The following UGT1A5 variants were observed in gnomAD, a reference collection of about 807,000 sequenced individuals.
UGT1A5 encodes UDP glucuronosyltransferase family 1 member A5.
In UGT1A5, 29 loss-of-function variants were observed where a neutral mutation model predicts 40.3. That is an observed-to-expected ratio of 0.72 (90% CI 0.54 to 0.98). The LOEUF (loss-of-function observed/expected upper bound fraction) is 0.98. Ranked by LOEUF, UGT1A5 falls within the 50% of genes least tolerant of loss-of-function variation. The pLI, the probability that UGT1A5 is intolerant of heterozygous loss-of-function variation, is 0.00. For missense variants in UGT1A5, 678 were observed against 677.9 expected (o/e 1.00, Z 0.00); for synonymous variants, 257 against 262.5 (o/e 0.98, Z 0.20).
chr2:233,748,192 G>A, intron 1 of UGT1A5: 1 of 1,554,576 alleles, frequency 6.4e-7, no homozygotes, highest in South Asian at 1.2e-5. Flanking sequence ...TTTTATTTCT[G>A]CTTGTCGTAA....
intron 1 of UGT1A5, 84 bp downstream of exon 1, chr2:233,713,942 C>T (rs2076357751): frequency 6.2e-7 from 1 of 1,610,038 alleles, no homozygotes; most frequent in Non-Finnish European, 8.5e-7. Context: ...GCTTCCATAT[C>T]TACTTATCTT....
At chr2:233,754,325 C>T (rs537557157) in intron 1 of UGT1A5, 54 of 246,030 alleles carry the variant, frequency 2.2e-4, no homozygotes, top group African/African-American at 1.1e-3. Flanking sequence ...CTGCCTCAGG[C>T]TTAAGTTTAA....
At chr2:233,768,015 A>T in intron 3 of UGT1A5, 79 bp downstream of exon 3, 4 of 1,613,904 alleles carry the variant, frequency 2.5e-6, no homozygotes, top group Non-Finnish European at 3.4e-6. Context: ...ATTCTAAAGG[A>T]TTGTTGAGCT....
At chr2:233,766,995 T>C in intron 1 of UGT1A5, 39 bp from the exon 2 acceptor site, 2 of 1,613,538 alleles carry the variant, frequency 1.2e-6, no homozygotes, top group Admixed American at 1.7e-5. Context: ...TCAAAGAATA[T>C]GAGAAAAAAT....
intron 1 of UGT1A5, among the ~76,000 whole-genome samples, chr2:233,748,465 C>G (rs987593580): frequency 6.6e-6 from 1 of 151,790 alleles, no homozygotes; most frequent in African/African-American, 2.4e-5. Context: ...AAAGATGATG[C>G]AACAGCAAAT....
At chr2:233,719,837 GT>G in intron 1 of UGT1A5, 1 of 1,534,622 alleles carries the variant, frequency 6.5e-7, no homozygotes, top group Non-Finnish European at 8.8e-7. Flanking sequence ...GGGGCCTAGT[GT>G]ATTTCAAGTT....
intron 1 of UGT1A5, chr2:233,747,921 G>T: frequency 6.2e-7 from 1 of 1,613,394 alleles, no homozygotes; most frequent in Non-Finnish European, 8.5e-7. Context: ...CCTTGCCTCT[G>T]AGCTTTTTCA....
chr2:233,772,134 T>C (rs1486740901), intron 4 of UGT1A5, 128 bp from the exon 5 acceptor site: 2 of 1,545,866 alleles, frequency 1.3e-6, no homozygotes, highest in Non-Finnish European at 1.7e-6. Flanking sequence ...ACAACAACAA[T>C]AATAGAAACA....
Position 233,729,571 on chromosome 2 carries a change from G to A in UGT1A5, c.867+15713G>A, listed in dbSNP as rs965988508. The A allele has an allele frequency of 3.7e-6, 6 of 1,613,982 alleles. No individual in the cohort carries two copies. In the African/African-American group the frequency reaches 6.7e-5, roughly 18 times the overall value. ...CCTGAATGCTACTTCCTTTGATGTG[G>A]TTTTAACAGACCCCGTTAACCTCTG... On this transcript the variant is annotated intron_variant, in intron 1 of 4. Transcript: ENST00000373414.
intron 1 of UGT1A5, among the ~76,000 whole-genome samples, chr2:233,766,243 G>T (rs1253047551): frequency 1.3e-5 from 2 of 152,008 alleles, no homozygotes; most frequent in Non-Finnish European, 2.9e-5. Flanking sequence ...GTTTCCCCTG[G>T]AGTCAGACCG....
chr2:233,721,676 A>T (rs1442079995), intron 1 of UGT1A5: 1 of 291,948 alleles, frequency 3.4e-6, no homozygotes, highest in African/African-American at 2.2e-5. Context: ...TTAATCCAAT[A>T]ATGAGCTCTG....
intron 1 of UGT1A5, chr2:233,744,094 T>G: frequency 7.2e-6 from 3 of 416,176 alleles, no homozygotes; most frequent in South Asian, 6.1e-5. Flanking sequence ...ATGCAGTGCT[T>G]CTGGGACTGG....
intron 1 of UGT1A5, among the ~76,000 whole-genome samples, chr2:233,724,466 G>T (rs1369027656): frequency 2.6e-5 from 2 of 77,260 alleles, no homozygotes; most frequent in African/African-American, 4.9e-5. Context: ...GGGCGGAGGG[G>T]CTCCTCACTT....
At chr2:233,728,368 C>G (rs1168371708) in intron 1 of UGT1A5, among the ~76,000 whole-genome samples, 11 of 152,282 alleles carry the variant, frequency 7.2e-5, no homozygotes, top group African/African-American at 2.2e-4. Context: ...CTGAACCCAC[C>G]ATGGGTCTTT....
intron 1 of UGT1A5, among the ~76,000 whole-genome samples, chr2:233,742,133 C>T (rs1691882264): frequency 6.6e-6 from 1 of 151,894 alleles, no homozygotes; most frequent in African/African-American, 2.4e-5. Context: ...GAGACCCTAA[C>T]CCAGCAGCGC....
Position 233,729,783 on chromosome 2 carries a change from C to T in UGT1A5, c.867+15925C>T, listed in dbSNP as rs761502728. On this transcript the variant is annotated intron_variant, in intron 1 of 4. Coordinates refer to ENST00000373414, the MANE Select transcript of UGT1A5 (RefSeq NM_019078.2). Reference sequence around the variant, plus strand: ...TCAAGAACATGCTCTACCCTCTGGCCCTGTCCTACATTTGCCATGCTTTTT... The same window carrying T: ...TCAAGAACATGCTCTACCCTCTGGCTCTGTCCTACATTTGCCATGCTTTTT... 6 of 1,613,820 alleles carry T rather than the reference C, an allele frequency of 3.7e-6. No homozygotes were observed. In the Admixed American group the frequency reaches 8.3e-5, roughly 22 times the overall value.
chr2:233,768,017 T>G, intron 3 of UGT1A5, 81 bp downstream of exon 3: 1 of 1,613,870 alleles, frequency 6.2e-7, no homozygotes, highest in Admixed American at 1.7e-5. Flanking sequence ...TCTAAAGGAT[T>G]GTTGAGCTTG....
At chr2:233,732,233 T>C (rs2078252612) in intron 1 of UGT1A5, among the ~76,000 whole-genome samples, 1 of 152,264 alleles carries the variant, frequency 6.6e-6, no homozygotes, top group South Asian at 2.1e-4. Context: ...TCTCCCATTC[T>C]GTAGGTTGCC....
intron 1 of UGT1A5, among the ~76,000 whole-genome samples, chr2:233,724,980 CGCGGT>C (rs751350533): frequency 0.034 from 4,857 of 144,196 alleles, 246 homozygotes; most frequent in African/African-American, 0.053. Flanking sequence ...GCGGATCACT[CGCGGT>C]TAGGGGCTGG....
Sources: gnomAD v4.1 joint callset for allele counts (sites outside exome capture counted in the v4.1 genomes callset) on GRCh38, gnomAD v4.1.1 for gene constraint, MANE v1.5 for transcripts, NCBI Gene and HGNC (gene_info 2026-07-23, HGNC 2026-07-21) for gene names.